NBEA: variants seen among roughly 807,000 people sequenced by gnomAD.
The protein encoded by NBEA is neurobeachin.
In NBEA, 44 loss-of-function variants were observed where a neutral mutation model predicts 343.4. That is an observed-to-expected ratio of 0.13 (90% CI 0.10 to 0.16). The LOEUF (loss-of-function observed/expected upper bound fraction) is 0.16. NBEA is among the 10% of genes least tolerant of loss of function. NBEA has a pLI of 1.00. For synonymous variants in NBEA, 1,175 were observed against 1,238.7 expected (o/e 0.95, Z 1.08); for missense variants, 2,555 against 3,631.3 (o/e 0.70, Z 7.62).
At chr13:35,184,239 T>A (rs1465969637) in intron 30 of NBEA, among the ~76,000 whole-genome samples, 168 bp downstream of exon 30, 3 of 152,116 alleles carry the variant, frequency 2.0e-5, no homozygotes, top group Non-Finnish European at 4.4e-5. Context: ...GTATAGCTTT[T>A]ATATTTGTAT....
intron 34 of NBEA, among the ~76,000 whole-genome samples, chr13:35,264,798 C>A (rs2033528673): frequency 6.6e-6 from 1 of 151,770 alleles, no homozygotes; most frequent in South Asian, 2.1e-4. Context: ...TCAGTGGAGA[C>A]AATTTGAAAC....
At chr13:34,980,548 T>TTAA in intron 1 of NBEA, among the ~76,000 whole-genome samples, 2 of 152,048 alleles carry the variant, frequency 1.3e-5, no homozygotes, top group Non-Finnish European at 2.9e-5. Flanking sequence ...TTAATCCTAA[T>TTAA]GCAACATTCT....
intron 17 of NBEA, among the ~76,000 whole-genome samples, chr13:35,130,415 T>C (rs1056927425): frequency 4.6e-5 from 7 of 151,974 alleles, no homozygotes; most frequent in Non-Finnish European, 1.5e-5. Context: ...AAAAATTAAA[T>C]GATAAAAGCT....
At chr13:35,058,576 A>T in intron 7 of NBEA, 141 bp from the exon 8 acceptor site, 1 of 695,226 alleles carries the variant, frequency 1.4e-6, no homozygotes, top group Non-Finnish European at 2.3e-6. Context: ...TTATTATTAA[A>T]ATAATAAAGT....
At chr13:35,507,624 T>C (rs9544488) in intron 41 of NBEA, among the ~76,000 whole-genome samples, 74,670 of 151,952 alleles carry the variant, frequency 0.49, 20,094 homozygotes, top group Non-Finnish European at 0.61. Context: ...AACCTTGGAG[T>C]TAATTTGACT....
chr13:35,346,333 G>A (rs1199349584), intron 36 of NBEA, among the ~76,000 whole-genome samples: 1 of 152,070 alleles, frequency 6.6e-6, no homozygotes, highest in Non-Finnish European at 1.5e-5. Flanking sequence ...GCCATTGAAC[G>A]AAATATTCTA....
intron 1 of NBEA, among the ~76,000 whole-genome samples, chr13:34,959,445 G>A (rs1033878): frequency 0.046 from 6,923 of 151,848 alleles, 237 homozygotes; most frequent in Non-Finnish European, 0.067. Context: ...CATTTCCTTG[G>A]CCTCATTAAT....
intron 47 of NBEA, among the ~76,000 whole-genome samples, chr13:35,595,300 T>G (rs187978391): frequency 2.6e-5 from 4 of 152,176 alleles, no homozygotes; most frequent in Admixed American, 2.0e-4. Context: ...AGTTTTTTTG[T>G]TTTTTATCCT....
intron 35 of NBEA, among the ~76,000 whole-genome samples, chr13:35,307,542 C>A (rs993813703): frequency 2.0e-5 from 3 of 151,880 alleles, no homozygotes; most frequent in Admixed American, 1.3e-4. Flanking sequence ...CTTTGGGATG[C>A]ACATGTAATA....
intron 33 of NBEA, among the ~76,000 whole-genome samples, chr13:35,218,008 G>A (rs978960024): frequency 2.0e-5 from 3 of 152,070 alleles, no homozygotes; most frequent in Non-Finnish European, 2.9e-5. Flanking sequence ...CACCTTGGCC[G>A]TTTTGAACTA....
intron 31 of NBEA, among the ~76,000 whole-genome samples, chr13:35,197,675 G>C (rs1478563445): frequency 6.6e-6 from 1 of 152,030 alleles, no homozygotes; most frequent in Non-Finnish European, 1.5e-5. Context: ...GCTAATTTTT[G>C]TATTTTTAGT....
intron 17 of NBEA, among the ~76,000 whole-genome samples, chr13:35,138,417 A>G (rs2067865495): frequency 6.6e-6 from 1 of 152,052 alleles, no homozygotes; most frequent in Non-Finnish European, 1.5e-5. Flanking sequence ...TGGAAATTAC[A>G]TAAATGGCTA....
At chr13:35,641,481 TATAC>T (rs2083943472) in intron 49 of NBEA, among the ~76,000 whole-genome samples, 1 of 152,152 alleles carries the variant, frequency 6.6e-6, no homozygotes, top group Non-Finnish European at 1.5e-5. Flanking sequence ...AGGGGAATAC[TATAC>T]AGCAAAAGAA....
In NBEA at chr13:35,385,118, C is replaced by G. The variant is rs114659575; in HGVS notation, c.6179+32795C>G. 4.8e-3 allele frequency among the ~76,000 whole-genome samples: 734 copies of G among 152,162 alleles called. 8 individuals are homozygous for G. The highest frequency in any genetic ancestry group is 0.016 in the African/African-American group (670 of 41,518). On this transcript the variant is annotated intron_variant, in intron 38 of 58. Transcript: ENST00000379939. ...ATTCTTCAAGTAAATCTTTTTTAGT[C>G]TCTGCTGCATTAAAATTTTAATAAG...
chr13:35,131,900 G>C (rs966169794), intron 17 of NBEA, among the ~76,000 whole-genome samples: 1 of 152,116 alleles, frequency 6.6e-6, no homozygotes, highest in Non-Finnish European at 1.5e-5. Flanking sequence ...TGGAAGTAAA[G>C]AACGTAACTA....
At chr13:35,432,894 A>G (rs532617789) in intron 39 of NBEA, among the ~76,000 whole-genome samples, 1 of 152,144 alleles carries the variant, frequency 6.6e-6, no homozygotes, top group Admixed American at 6.5e-5. Context: ...CATATTGTAT[A>G]TATTAAAAAA....
chr13:35,587,044 T>C (rs1024173968), intron 46 of NBEA, among the ~76,000 whole-genome samples: 5 of 152,332 alleles, frequency 3.3e-5, no homozygotes, highest in African/African-American at 1.2e-4. Flanking sequence ...TTGGATTCGC[T>C]GATCACCAAA....
At position 35,493,751 on chromosome 13, in the gene NBEA, A is replaced by G. The variant is rs184039216; in HGVS notation, c.6585+21215A>G. The stretch of plus-strand genomic sequence containing the variant: ...CTGTGTGATGAAGGCATTGGAGTAG[A>G]TGATTTCCCTTCTAAAATTCATTCA... On this transcript the variant is annotated intron_variant, in intron 41 of 58. Coordinates refer to ENST00000379939, the MANE Select transcript of NBEA (RefSeq NM_001385012.1). 3.9e-5 allele frequency among the ~76,000 whole-genome samples: 6 copies of G among 152,096 alleles called. No homozygotes were observed. In the East Asian group the frequency reaches 1.2e-3, roughly 30 times the overall value.
chr13:35,355,511 T>C (rs941255656), intron 38 of NBEA, among the ~76,000 whole-genome samples: 2 of 152,182 alleles, frequency 1.3e-5, no homozygotes, highest in African/African-American at 2.4e-5. Context: ...GGCTGGTGGC[T>C]ACCATAGTAG....
Sources: allele counts gnomAD v4.1 joint callset (sites outside exome capture counted in the v4.1 genomes callset), GRCh38; gene constraint gnomAD v4.1.1; transcripts MANE v1.5; gene names NCBI Gene and HGNC (gene_info 2026-07-23, HGNC 2026-07-21).